ERMP1: variants seen among roughly 807,000 people sequenced by gnomAD.
ERMP1 encodes Felix-ina.
A neutral mutation model predicts 92.0 loss-of-function variants in ERMP1; 86 were observed. The observed-to-expected ratio is 0.93, with a 90% CI of 0.79 to 1.12. ERMP1 has a LOEUF of 1.12. Ranked by LOEUF, ERMP1 falls within the 50% of genes most tolerant of loss-of-function variation. ERMP1 has a pLI of 0.00. For synonymous variants in ERMP1, 530 were observed against 412.8 expected (o/e 1.28, Z -3.44); for missense variants, 1,342 against 1,116.3 (o/e 1.20, Z -2.88).
intron 4 of ERMP1, among the ~76,000 whole-genome samples, chr9:5,818,357 G>GA (rs1429279926): frequency 6.6e-6 from 1 of 151,996 alleles, no homozygotes; most frequent in Non-Finnish European, 1.5e-5. Flanking sequence ...ATGGAAGAAA[G>GA]AAAAAAATTA....
chr9:5,824,253 C>G (rs977187751), intron 3 of ERMP1, among the ~76,000 whole-genome samples: 4 of 152,182 alleles, frequency 2.6e-5, no homozygotes, highest in Admixed American at 2.6e-4. Context: ...AACAACATCC[C>G]TGGTAAGTAC....
intron 13 of ERMP1, among the ~76,000 whole-genome samples, chr9:5,790,058 A>G (rs531534186): frequency 1.3e-5 from 2 of 152,258 alleles, no homozygotes; most frequent in East Asian, 3.9e-4. Flanking sequence ...AGACAAATAT[A>G]CAAATGTTAC....
chr9:5,810,441 C>G (rs1829048817), intron 7 of ERMP1, among the ~76,000 whole-genome samples: 1 of 152,122 alleles, frequency 6.6e-6, no homozygotes, highest in Non-Finnish European at 1.5e-5. Flanking sequence ...TTAAGAGTCT[C>G]TAGATACTAA....
chr9:5,790,134 T>C (rs1209851614), intron 13 of ERMP1, among the ~76,000 whole-genome samples: 3 of 152,006 alleles, frequency 2.0e-5, no homozygotes, highest in Non-Finnish European at 4.4e-5. Context: ...AGCATGGCTG[T>C]TGTATGGGTT....
chr9:5,806,934 C>A lies in ERMP1; in HGVS notation c.1549-1149G>T, dbSNP rs78629166. Reference sequence around the variant, plus strand: ...GTTACAGTTCATGTAACAACCCCTCCCCGCTCCCAACAATGAAAGATAGGC... The same window carrying A: ...GTTACAGTTCATGTAACAACCCCTCACCGCTCCCAACAATGAAAGATAGGC... On this transcript the variant is annotated intron_variant, in intron 8 of 14. Transcript: ENST00000339450. Among the ~76,000 whole-genome samples the A allele has an allele frequency of 7.3e-3, 1,113 of 152,222 alleles. 16 individuals are homozygous for A. The highest frequency in any genetic ancestry group is 0.026 in the African/African-American group (1,066 of 41,530).
chr9:5,790,046 T>C (rs564169546), intron 13 of ERMP1, among the ~76,000 whole-genome samples: 1 of 151,904 alleles, frequency 6.6e-6, no homozygotes, highest in South Asian at 2.1e-4. Flanking sequence ...GGTGAAGTTA[T>C]AAGACAAATA....
In ERMP1 at chr9:5,825,100, C is replaced by T. The variant is rs1257666769; in HGVS notation, c.760G>A (p.Val254Ile). The T allele has an allele frequency of 9.9e-6, 16 of 1,613,852 alleles. No homozygotes were observed. The highest frequency in any genetic ancestry group is 1.4e-5 in the Non-Finnish European group (16 of 1,179,808). The change falls in exon 3 of 15, where the codon GTC (valine) becomes ATC (isoleucine). Residue 254 changes from valine (V) to isoleucine (I), a missense_variant. By Grantham distance (29) the Val-to-Ile change is conservative. Coordinates refer to ENST00000339450, the MANE Select transcript of ERMP1 (RefSeq NM_024896.3). Reference protein sequence around the residue: ...IFLFNGAEENVLQASHGFITQ... With the variant: ...IFLFNGAEENILQASHGFITQ... ...AAACAGTAAAATCTCACTTGCAAGA[C>T]ATTTTCCTCAGCACCATTAAAGAGA...
At chr9:5,819,988 A>AGCTGT (rs1190434411) in intron 4 of ERMP1, among the ~76,000 whole-genome samples, 1 of 152,240 alleles carries the variant, frequency 6.6e-6, no homozygotes, top group African/African-American at 2.4e-5. Flanking sequence ...GTAACTTTAA[A>AGCTGT]AAAAAGAATT....
rs772234943 is a variant in ERMP1, at chr9:5,805,652, A to C, written c.1682T>G (p.Leu561Trp). 1 of 1,609,384 alleles carries C rather than the reference A, an allele frequency of 6.2e-7. No homozygotes were observed. Among genetic ancestry groups the C allele is most frequent in the Non-Finnish European group, 8.5e-7 (1 of 1,178,428 alleles). Residue 561 changes from leucine (L) to tryptophan (W), a missense_variant, in exon 9 of 15, where the codon TTG becomes TGG. Physicochemically the swap from Leu to Trp is moderately conservative, Grantham distance 61. Transcript: ENST00000339450. The stretch of plus-strand genomic sequence containing the variant: ...CTTATGCACACAGAGCTTTGTGAGC[A>C]ATGGGAATGCTACCCAGACAGCACT... ...FISAVWVAFPLLTKLCVHKDF... is the reference protein window; with the variant it reads ...FISAVWVAFPWLTKLCVHKDF...
rs760516678 is a variant in ERMP1 at position 5,832,743 on chromosome 9, G to T, written c.285C>A (p.Leu95=). The T allele has an allele frequency of 1.0e-4, 153 of 1,496,634 alleles. No individual in the cohort carries two copies. The highest frequency in any genetic ancestry group is 1.3e-4 in the Non-Finnish European group (148 of 1,131,796). The allele number at this position is 1,496,634 out of a possible 1,614,324, so 92.7% of individuals were successfully genotyped here. The part of the protein sequence containing the change: ...RTLVQLSLQQ[L]VLRGAAGHRG... The stretch of plus-strand genomic sequence containing the variant: ...GGTGTCCAGCGGCCCCGCGTAGCAC[G>T]AGCTGCTGCAGCGAGAGCTGCACCA... Residue 95 remains leucine, a synonymous_variant, in exon 1 of 15, where the codon CTC becomes CTA. Coordinates refer to ENST00000339450, the MANE Select transcript of ERMP1 (RefSeq NM_024896.3).
intron 5 of ERMP1, among the ~76,000 whole-genome samples, chr9:5,860,108 G>C (rs927414508): frequency 6.7e-6 from 1 of 149,044 alleles, no homozygotes; most frequent in African/African-American, 2.5e-5. Context: ...ACCAGCCGGG[G>C]CAGTATAGTG....
chr9:5,859,860 A>C (rs1787811502), intron 5 of ERMP1, among the ~76,000 whole-genome samples: 1 of 152,230 alleles, frequency 6.6e-6, no homozygotes, highest in Non-Finnish European at 1.5e-5. Context: ...TATCATTACT[A>C]AGTATTTAGA....
intron 12 of ERMP1, among the ~76,000 whole-genome samples, chr9:5,798,307 C>T (rs1227776927): frequency 1.3e-5 from 2 of 152,114 alleles, no homozygotes; most frequent in Admixed American, 6.5e-5. Context: ...ACCTCCACCT[C>T]CCGGGTTCAA....
At chr9:5,790,566 G>A (rs990489537) in intron 13 of ERMP1, among the ~76,000 whole-genome samples, 1 of 152,156 alleles carries the variant, frequency 6.6e-6, no homozygotes, top group Non-Finnish European at 1.5e-5. Context: ...TACAGAAAGG[G>A]TAAATAAAGG....
chr9:5,816,746 T>C (rs1270062431), intron 4 of ERMP1, among the ~76,000 whole-genome samples: 1 of 152,172 alleles, frequency 6.6e-6, no homozygotes, highest in Non-Finnish European at 1.5e-5. Flanking sequence ...GTTGTAGAAT[T>C]GACTAGTGTT....
At chr9:5,824,991 G>C in intron 3 of ERMP1, 101 bp downstream of exon 3, 3 of 1,143,866 alleles carry the variant, frequency 2.6e-6, no homozygotes, top group Non-Finnish European at 3.8e-6. Context: ...CTACCCACAG[G>C]AGTCATAAAA....
At chr9:5,798,548 A>G (rs1343137594) in intron 12 of ERMP1, among the ~76,000 whole-genome samples, 1 of 152,008 alleles carries the variant, frequency 6.6e-6, no homozygotes, top group African/African-American at 2.4e-5. Flanking sequence ...ATTGGCTATT[A>G]TATTAGTTAG....
chr9:5,848,614 C>T (rs200664577), intron 6 of ERMP1, among the ~76,000 whole-genome samples: 2 of 151,902 alleles, frequency 1.3e-5, no homozygotes, highest in Non-Finnish European at 2.9e-5. Flanking sequence ...TGGTTTTCTA[C>T]AAGGATTTAG....
At position 5,865,302 on chromosome 9, in the gene ERMP1, A is replaced by C. The variant is rs934940190; in HGVS notation, n.3055+2500T>G. On this transcript the variant is annotated intron_variant and non_coding_transcript_variant, in intron 5 of 6. Transcript: ENST00000690753. ...CGGGTGGATCACGAGGTCAGGAGAT[A>C]GAGACCATCCTGGATTAACACGGTG... Among the ~76,000 whole-genome samples the C allele has an allele frequency of 6.7e-5, 10 of 150,252 alleles. No homozygotes were observed. In the East Asian group the frequency reaches 1.4e-3, roughly 21 times the overall value.
Sources: gnomAD v4.1 joint callset for allele counts (sites outside exome capture counted in the v4.1 genomes callset) on GRCh38, gnomAD v4.1.1 for gene constraint, MANE v1.5 for transcripts, NCBI Gene and HGNC (gene_info 2026-07-23, HGNC 2026-07-21) for gene names.